Variants in AP2A1 observed in about 807,000 individuals in gnomAD.
AP2A1 encodes AP-2 complex subunit alpha-1.
In AP2A1, 21 loss-of-function variants were observed where a neutral mutation model predicts 107.3. The ratio of observed to expected loss-of-function variants is 0.20; its 90% CI spans 0.14 to 0.28. The LOEUF (loss-of-function observed/expected upper bound fraction) is 0.28, where lower values mean the gene tolerates loss of function less well. Ranked by LOEUF, AP2A1 falls within the 10% of genes least tolerant of loss-of-function variation. AP2A1 has a pLI of 1.00. For missense variants in AP2A1, 873 were observed against 1,307.7 expected (o/e 0.67, Z 5.13); for synonymous variants, 602 against 564.8 (o/e 1.07, Z -0.93).
chr19:49,795,186 A>T (rs1443834513), intron 6 of AP2A1, among the ~76,000 whole-genome samples: 1 of 152,116 alleles, frequency 6.6e-6, no homozygotes, highest in Admixed American at 6.6e-5. Context: ...CCGAGTGAGG[A>T]GGGGGCCCTG....
At chr19:49,802,443 CTG>C (rs1484772322) in intron 15 of AP2A1, 7 of 1,270,834 alleles carry the variant, frequency 5.5e-6, no homozygotes, top group South Asian at 2.5e-5. Flanking sequence ...CCCTCCCTCT[CTG>C]TCTCTCTTCT....
intron 22 of AP2A1, 76 bp from the exon 23 acceptor site, chr19:49,806,605 C>T (rs1600253259): frequency 6.8e-7 from 1 of 1,470,084 alleles, no homozygotes; most frequent in South Asian, 1.2e-5. Context: ...TCCTTCCTTC[C>T]TTCTATCTCC....
Position 49,805,536 on chromosome 19 carries a change from C to A in AP2A1, c.2428C>A (p.Arg810=), listed in dbSNP as rs1436724125. The change falls in exon 19 of 23, where the codon CGG becomes AGG. Residue 810 remains arginine, a synonymous_variant. Transcript: ENST00000354293. ...VQQVLNIECL[R]DFLTPPLLSV... ...GCAGGTGCTCAATATCGAGTGCCTG[C>A]GGGACTTCCTGACGCCCCCGCTGCT... 2 of 1,576,090 alleles carry A rather than the reference C, an allele frequency of 1.3e-6. No individual in the cohort carries two copies. Among genetic ancestry groups the A allele is most frequent in the Non-Finnish European group, 1.7e-6 (2 of 1,161,922 alleles).
At chr19:49,802,653 C>T in intron 15 of AP2A1, 2 of 1,469,566 alleles carry the variant, frequency 1.4e-6, no homozygotes, top group Non-Finnish European at 1.8e-6. Flanking sequence ...TCGGGTGTCC[C>T]CAGGGAGAGT....
At position 49,799,962 on chromosome 19, in the gene AP2A1, C is replaced by T. The variant is rs745506973; in HGVS notation, c.1273-6C>T. 12 of 1,612,110 alleles carry T rather than the reference C, an allele frequency of 7.4e-6. No individual in the cohort carries two copies. Among genetic ancestry groups the T allele is most frequent in the Middle Eastern group, 1.7e-4 (1 of 6,048 alleles). On this transcript the variant is annotated splice_polypyrimidine_tract_variant and splice_region_variant and intron_variant, in intron 10 of 22. Coordinates refer to ENST00000354293, the MANE Select transcript of AP2A1 (RefSeq NM_130787.3). ...GCACACTCTCTCTCACACGCCCCGG[C>T]GGCAGGTCCTGAAGGTGGCCATCCT...
chr19:49,802,927 T>TCA, intron 15 of AP2A1, 22 bp from the exon 16 acceptor site: 2 of 1,610,238 alleles, frequency 1.2e-6, no homozygotes, highest in Non-Finnish European at 1.7e-6. Flanking sequence ...CCTTCCCATC[T>TCA]CACTCTGCTC....
chr19:49,785,151 G>A lies in AP2A1; in HGVS notation c.473+2427G>A, dbSNP rs1226719527. Among the ~76,000 whole-genome samples, 1 of 152,180 alleles carries A rather than the reference G, an allele frequency of 6.6e-6. No individual in the cohort carries two copies. Among genetic ancestry groups the A allele is most frequent in the Non-Finnish European group, 1.5e-5 (1 of 68,028 alleles). ...CAGTGTTCGAAGAGAGATAATGGTT[G>A]AAAATATTCCAGAATGGATGAAAGA... On this transcript the variant is annotated intron_variant, in intron 4 of 22. Transcript: ENST00000354293. This position sits in a 1 kb window ranked among gnomAD's most constrained non-coding sequence, Gnocchi z 4.1.
intron 10 of AP2A1, 90 bp downstream of exon 10, chr19:49,799,856 T>G: frequency 1.3e-6 from 2 of 1,560,212 alleles, no homozygotes; most frequent in Non-Finnish European, 1.7e-6. Flanking sequence ...GAGGAGGGGC[T>G]GGGGCCTGGA....
chr19:49,806,161 A>C lies in AP2A1; in HGVS notation c.2698A>C (p.Asn900His), dbSNP rs2073377598. 6.3e-7 allele frequency: 1 copy of C among 1,578,816 alleles called. No individual in the cohort carries two copies. Among genetic ancestry groups the C allele is most frequent in the Admixed American group, 1.9e-5 (1 of 53,624 alleles). Residue 900 changes from asparagine (N) to histidine (H), a missense_variant, in exon 22 of 23, where the codon AAC becomes CAC. Physicochemically the swap from Asn to His is moderately conservative, Grantham distance 68. Around this residue, in one of 4 missense-constraint regions of AP2A1, gnomAD observed 416 missense variants for 473.4 expected, o/e 0.88. Transcript: ENST00000354293. Reference protein sequence around the residue: ...GSALLDNVDPNPENFVGAGII... With the variant: ...GSALLDNVDPHPENFVGAGII... ...TGCTCTCCTGGACAATGTGGACCCC[A>C]ACCCTGAGAACTTCGTGGGGGCGGG...
intron 4 of AP2A1, among the ~76,000 whole-genome samples, chr19:49,787,628 C>T (rs1299780963): frequency 3.9e-5 from 6 of 151,920 alleles, no homozygotes; most frequent in South Asian, 2.1e-4. Flanking sequence ...GGATTACAGG[C>T]GTGAGCCTCT....
rs935795716 is a variant in AP2A1 at position 49,781,951 on chromosome 19, C to T, written c.141C>T (p.Asp47=). ...TTCCTCCTTCCTCTGCCCTAGGAGA[C>T]AAAGCCTTGGATGGCTACAGTAAGA... The part of the protein sequence containing the change: ...LANIRSKFKG[D]KALDGYSKKK... Residue 47 remains aspartate (D), a synonymous_variant, in exon 3 of 23, where the codon GAC becomes GAT. Transcript: ENST00000354293. The T allele has an allele frequency of 6.2e-7, 1 of 1,612,984 alleles. No individual in the cohort carries two copies. Among genetic ancestry groups the T allele is most frequent in the Non-Finnish European group, 8.5e-7 (1 of 1,179,570 alleles).
Position 49,801,860 on chromosome 19 carries a change from G to A in AP2A1, c.1924G>A (p.Gly642Arg), listed in dbSNP as rs1218609177. The A allele has an allele frequency of 6.7e-7, 1 of 1,503,750 alleles. No homozygotes were observed. The highest frequency in any genetic ancestry group is 8.9e-7 in the Non-Finnish European group (1 of 1,129,520). 93.2% of individuals were successfully genotyped at this position (1,503,750 alleles called of 1,614,324 possible). A position where few individuals can be genotyped will look rare whatever the true frequency, so the allele number is the denominator to read the frequency against. The change falls in exon 14 of 23, where the codon GGG becomes AGG. Residue 642 changes from glycine to arginine, a missense_variant. Around this residue, in one of 4 missense-constraint regions of AP2A1, gnomAD observed 416 missense variants for 473.4 expected, o/e 0.88. Coordinates refer to ENST00000354293, the MANE Select transcript of AP2A1 (RefSeq NM_130787.3). Reference protein sequence around the residue: ...RRDPSSNDINGGMEPTPSTVS... With the variant: ...RRDPSSNDINRGMEPTPSTVS... ...GGACCCCAGCAGCAACGACATCAACGGGGGCATGGAGCCCACCCCCAGCAC... is the reference window on the plus strand; with the variant it reads ...GGACCCCAGCAGCAACGACATCAACAGGGGCATGGAGCCCACCCCCAGCAC...
intron 7 of AP2A1, chr19:49,797,563 A>G (rs1483440544): frequency 6.6e-6 from 1 of 152,020 alleles, no homozygotes; most frequent in Admixed American, 6.6e-5. Context: ...CATCTCTACA[A>G]AAAATACAAA....
chr19:49,799,851 G>A, intron 10 of AP2A1, 85 bp downstream of exon 10: 1 of 1,560,964 alleles, frequency 6.4e-7, no homozygotes. Context: ...TAAGGGAGGA[G>A]GGGCTGGGGC....
chr19:49,795,372 A>G (rs1330480677), intron 6 of AP2A1, among the ~76,000 whole-genome samples: 1 of 152,046 alleles, frequency 6.6e-6, no homozygotes, highest in Non-Finnish European at 1.5e-5. Flanking sequence ...AAACCATTGC[A>G]TTGGTCGGGC....
chr19:49,788,061 G>A lies in AP2A1; in HGVS notation c.474-3874G>A, dbSNP rs1470273025. The stretch of plus-strand genomic sequence containing the variant: ...TCCCAGGCTCAGGTGATCCTCCCAC[G>A]TCAGCCACTCCAGCAGCCGGGACTA... On this transcript the variant is annotated intron_variant, in intron 4 of 22. Coordinates refer to ENST00000354293, the MANE Select transcript of AP2A1 (RefSeq NM_130787.3). The surrounding 1 kb of genome is among the most constrained non-coding windows in gnomAD (Gnocchi z 4.5). Among the ~76,000 whole-genome samples the A allele has an allele frequency of 2.6e-5, 4 of 152,106 alleles. No individual in the cohort carries two copies. The highest frequency in any genetic ancestry group is 3.9e-4 in the East Asian group (2 of 5,184).
intron 6 of AP2A1, among the ~76,000 whole-genome samples, chr19:49,795,178 G>A (rs189211713): frequency 1.3e-5 from 2 of 152,340 alleles, no homozygotes; most frequent in East Asian, 1.9e-4. Flanking sequence ...GCTCAGAGCC[G>A]AGTGAGGAGG....
intron 7 of AP2A1, 134 bp downstream of exon 7, chr19:49,795,872 T>C: frequency 2.8e-6 from 2 of 711,066 alleles, no homozygotes; most frequent in Non-Finnish European, 4.8e-6. Flanking sequence ...GGTTCCTCTG[T>C]CCCCTTACGT....
At chr19:49,803,487 C>T (rs747345707) in intron 18 of AP2A1, 111 bp downstream of exon 18, 3 of 841,316 alleles carry the variant, frequency 3.6e-6, no homozygotes, top group Non-Finnish European at 3.9e-6. Flanking sequence ...CTTGGGCACG[C>T]AATTAGTTCT....
Sources: gnomAD v4.1 joint callset for allele counts (sites outside exome capture counted in the v4.1 genomes callset) on GRCh38, gnomAD v4.1.1 for gene constraint, gnomAD v4.1.1 regional missense constraint, Gnocchi (gnomAD v3.1) non-coding constraint, MANE v1.5 for transcripts, NCBI Gene and HGNC (gene_info 2026-07-23, HGNC 2026-07-21) for gene names.